The following COLEC10 variants were observed in gnomAD, a reference collection of about 807,000 sequenced individuals.
COLEC10 encodes collectin subfamily member 10, also known as collectin-10.
In COLEC10, 22 loss-of-function variants were observed where a neutral mutation model predicts 28.4. The ratio of observed to expected loss-of-function variants is 0.78; its 90% CI spans 0.55 to 1.11. The LOEUF (loss-of-function observed/expected upper bound fraction) is 1.11, where lower values mean the gene tolerates loss of function less well. COLEC10 is among the 50% of genes least tolerant of loss of function. The pLI is 0.00. For synonymous variants in COLEC10, 125 were observed against 116.1 expected, an observed-to-expected ratio of 1.08 and a Z score of -0.49; for missense variants, 361 against 344.1, an observed-to-expected ratio of 1.05 and a Z score of -0.39.
intron 2 of COLEC10, among the ~76,000 whole-genome samples, chr8:119,033,103 G>A (rs910819290): frequency 1.3e-5 from 2 of 152,140 alleles, no homozygotes; most frequent in Non-Finnish European, 2.9e-5. Context: ...CCCACTTAGG[G>A]TCTTTTCAAG....
the COLEC10 span, among the ~76,000 whole-genome samples, chr8:118,967,757 T>C: frequency 6.6e-6 from 1 of 152,072 alleles, no homozygotes; most frequent in Non-Finnish European, 1.5e-5. Context: ...CTAAGATCCA[T>C]ATGGGATTTT....
At chr8:119,040,063 A>T (rs1814465856) in intron 2 of COLEC10, among the ~76,000 whole-genome samples, 1 of 152,180 alleles carries the variant, frequency 6.6e-6, no homozygotes, top group South Asian at 2.1e-4. Context: ...TCACATCTGT[A>T]TCTGTAAAAT....
At chr8:119,083,029 T>C (rs1366759880) in intron 1 of COLEC10, among the ~76,000 whole-genome samples, 3 of 152,184 alleles carry the variant, frequency 2.0e-5, no homozygotes, top group South Asian at 4.1e-4. Flanking sequence ...CATTATCTAG[T>C]GTTTGTACTA....
At chr8:118,980,100 G>T in the COLEC10 span, among the ~76,000 whole-genome samples, 1 of 151,676 alleles carries the variant, frequency 6.6e-6, no homozygotes, top group Non-Finnish European at 1.5e-5. Flanking sequence ...TTATTAATTA[G>T]AAATGAGTCA....
chr8:118,980,347 C>T, the COLEC10 span, among the ~76,000 whole-genome samples: 8 of 151,890 alleles, frequency 5.3e-5, no homozygotes, highest in Non-Finnish European at 8.8e-5. Context: ...CGAACACCAC[C>T]ATGGCTGGCT....
intron 2 of COLEC10, among the ~76,000 whole-genome samples, chr8:119,053,406 A>G (rs1295133528): frequency 1.3e-5 from 2 of 152,168 alleles, no homozygotes; most frequent in Admixed American, 1.3e-4. Flanking sequence ...ATGAAAGAGC[A>G]TTATTACTCC....
intron 2 of COLEC10, among the ~76,000 whole-genome samples, chr8:119,018,934 C>T (rs983972530): frequency 1.3e-5 from 2 of 152,126 alleles, no homozygotes; most frequent in East Asian, 3.9e-4. Context: ...TCTTTTGTTA[C>T]CCTCTTTCTT....
At chr8:119,039,835 T>A (rs578168385) in intron 2 of COLEC10, among the ~76,000 whole-genome samples, 1 of 152,302 alleles carries the variant, frequency 6.6e-6, no homozygotes, top group African/African-American at 2.4e-5. Flanking sequence ...GCCTCTCTTC[T>A]ACTTTTAAGG....
chr8:119,105,955 G>A lies in COLEC10; in HGVS notation c.598G>A (p.Ala200Thr). The A allele has an allele frequency of 6.2e-7, 1 of 1,613,848 alleles. No individual in the cohort carries two copies. The highest frequency in any genetic ancestry group is 8.5e-7 in the Non-Finnish European group (1 of 1,179,882). ...CAACACACTCATCGCTGACTATGTT[G>A]CCAAGAGTGGCTTCTTTCGGGTGTT... Reference protein sequence around the residue: ...AANTLIADYVAKSGFFRVFIG... With the variant: ...AANTLIADYVTKSGFFRVFIG... Residue 200 changes from alanine (A) to threonine (T), a missense_variant, in exon 6 of 6, where the codon GCC (alanine) becomes ACC (threonine). Around this residue, in one of 3 missense-constraint regions of COLEC10, gnomAD observed 335 missense variants for 308.5 expected, o/e 1.09. Coordinates refer to ENST00000332843, the MANE Select transcript of COLEC10 (RefSeq NM_006438.5).
At chr8:119,044,634 C>A (rs144210496) in intron 2 of COLEC10, among the ~76,000 whole-genome samples, 4 of 151,970 alleles carry the variant, frequency 2.6e-5, no homozygotes, top group African/African-American at 9.7e-5. Flanking sequence ...GGGCATGGAT[C>A]GTTTCAGGCC....
At chr8:118,960,750 G>A in the COLEC10 span, among the ~76,000 whole-genome samples, 3 of 137,414 alleles carry the variant, frequency 2.2e-5, no homozygotes, top group Admixed American at 2.4e-4. Context: ...TTGTGCCACT[G>A]CACTCTAGCC....
At chr8:118,975,234 G>A in the COLEC10 span, among the ~76,000 whole-genome samples, 1 of 152,038 alleles carries the variant, frequency 6.6e-6, no homozygotes, top group Non-Finnish European at 1.5e-5. Flanking sequence ...TTTAAATGGA[G>A]TCAGAGTGAA....
chr8:118,983,666 G>T, the COLEC10 span, among the ~76,000 whole-genome samples: 2,376 of 152,136 alleles, frequency 0.016, 63 homozygotes, highest in African/African-American at 0.054. Context: ...ATTAAAAAGT[G>T]GGCAAAGGAT....
At chr8:119,085,257 A>C (rs528636062) in intron 1 of COLEC10, among the ~76,000 whole-genome samples, 14 of 152,308 alleles carry the variant, frequency 9.2e-5, no homozygotes, top group Admixed American at 7.8e-4. Flanking sequence ...AGGGAATGAT[A>C]AAATGGATGA....
chr8:119,033,308 T>G lies in COLEC10; in HGVS notation n.235+23755T>G, dbSNP rs1340250683. On this transcript the variant is annotated intron_variant and non_coding_transcript_variant, in intron 2 of 6. Coordinates refer to the COLEC10 transcript ENST00000521788. ...GTCATAAAAGCCCTAGAAGAAAAGC[T>G]AGGCAATACCATTAAGGACGTAGGC... Among the ~76,000 whole-genome samples the G allele has an allele frequency of 3.9e-5, 6 of 152,266 alleles. No individual in the cohort carries two copies. In the East Asian group the frequency reaches 1.2e-3, roughly 29 times the overall value.
intron 1 of COLEC10, among the ~76,000 whole-genome samples, chr8:119,078,990 T>TACACACACAC (rs59453751): frequency 1.4e-5 from 2 of 142,990 alleles, no homozygotes; most frequent in Non-Finnish European, 3.1e-5. Context: ...TGGGAAAACG[T>TACACACACAC]ACACACACAC....
At chr8:119,025,315 C>T (rs916835833) in intron 2 of COLEC10, among the ~76,000 whole-genome samples, 1 of 152,174 alleles carries the variant, frequency 6.6e-6, no homozygotes, top group Non-Finnish European at 1.5e-5. Context: ...AAAGCCTTAG[C>T]TGCTATTGCC....
chr8:118,997,065 A>T (rs1813602114), intron 1 of COLEC10, among the ~76,000 whole-genome samples: 1 of 152,186 alleles, frequency 6.6e-6, no homozygotes, highest in South Asian at 2.1e-4. Flanking sequence ...TGAAGAAGAC[A>T]CACATCCAAA....
Position 119,106,044 on chromosome 8 carries a change from G to T in COLEC10, c.687G>T (p.Gln229His), listed in dbSNP as rs748324624. 1 of 1,613,878 alleles carries T rather than the reference G, an allele frequency of 6.2e-7. No homozygotes were observed. The highest frequency in any genetic ancestry group is 1.1e-5 in the South Asian group (1 of 91,080). Residue 229 changes from glutamine (Q) to histidine (H), a missense_variant, in exon 6 of 6, where the codon CAG (glutamine) becomes CAT (histidine). Gln to His is a conservative substitution (Grantham distance 24). Around this residue, in one of 3 missense-constraint regions of COLEC10, gnomAD observed 335 missense variants for 308.5 expected, o/e 1.09. Transcript: ENST00000332843. ...TGTTCACAGACAACACTCCACTGCA[G>T]AACTATAGCAACTGGAATGAGGGGG... ...QYMFTDNTPL[Q>H]NYSNWNEGEP...
Sources: allele counts gnomAD v4.1 joint callset (sites outside exome capture counted in the v4.1 genomes callset), GRCh38; gene constraint gnomAD v4.1.1; regional missense constraint gnomAD v4.1.1; transcripts MANE v1.5; gene names NCBI Gene and HGNC (gene_info 2026-07-23, HGNC 2026-07-21).